BCO2: variants seen among roughly 807,000 people sequenced by gnomAD.
BCO2 encodes the protein beta-carotene oxygenase 2.
BCO2 carries 56 observed loss-of-function variants against 65.8 expected under a neutral mutation model. That is an observed-to-expected ratio of 0.85 (90% CI 0.69 to 1.06). The LOEUF (loss-of-function observed/expected upper bound fraction) is 1.06. Among genes scored for constraint, BCO2 ranks in the 50% least tolerant of loss-of-function variants. The pLI is 0.00. For synonymous variants in BCO2, 233 were observed against 242.3 expected (o/e 0.96, Z 0.36); for missense variants, 675 against 698.5 (o/e 0.97, Z 0.38).
chr11:112,202,060 C>T lies in BCO2; in HGVS notation c.1064C>T (p.Thr355Ile). Residue 355 changes from threonine (T) to isoleucine (I), a missense_variant, in exon 8 of 12, where the codon ACA becomes ATA. By Grantham distance (89) the Thr-to-Ile change is moderately conservative. Coordinates refer to ENST00000357685, the MANE Select transcript of BCO2 (RefSeq NM_031938.7). Reference sequence around the variant, plus strand: ...AGATACTACAGCAAACCTTTTGTTACATTTCATCAAATCAATGCCTTTGAG... The same window carrying T: ...AGATACTACAGCAAACCTTTTGTTATATTTCATCAAATCAATGCCTTTGAG... ...PGRYYSKPFV[T>I]FHQINAFEDQ... The T allele has an allele frequency of 6.2e-7, 1 of 1,611,002 alleles. No homozygotes were observed.
In BCO2 at chr11:112,214,705, A is replaced by G. The variant is rs1223238383; in HGVS notation, c.1333-57A>G. 15 of 1,482,306 alleles carry G rather than the reference A, an allele frequency of 1.0e-5. No homozygotes were observed. The Admixed American group carries it at 2.3e-4, about 23-fold the overall frequency. The allele number at this position is 1,482,306 out of a possible 1,614,324, so 91.8% of individuals were successfully genotyped here. ...GGTATGAGGCTCCTCACTGACCTAC[A>G]TAAGAGGAAAATAAGAATTAAGCAA... On this transcript the variant is annotated intron_variant, in intron 9 of 11. Transcript: ENST00000357685.
At chr11:112,198,989 G>A (rs554205777) in intron 5 of BCO2, among the ~76,000 whole-genome samples, 77 of 151,522 alleles carry the variant, frequency 5.1e-4, no homozygotes, top group Non-Finnish European at 1.0e-3. Flanking sequence ...TTAAAGTTCT[G>A]GGGTACATGT....
chr11:112,180,088 A>G (rs1004609020), intron 2 of BCO2, among the ~76,000 whole-genome samples: 1 of 152,224 alleles, frequency 6.6e-6, no homozygotes, highest in Non-Finnish European at 1.5e-5. Context: ...AGTCCCTTAT[A>G]TAAAATGCTT....
intron 5 of BCO2, 76 bp downstream of exon 5, chr11:112,194,831 G>C: frequency 9.3e-7 from 1 of 1,071,674 alleles, no homozygotes; most frequent in Non-Finnish European, 1.4e-6. Context: ...AATACTACAG[G>C]TTTGTTTTTT....
intron 5 of BCO2, among the ~76,000 whole-genome samples, chr11:112,199,025 G>T (rs899530806): frequency 6.6e-6 from 1 of 151,954 alleles, no homozygotes; most frequent in Non-Finnish European, 1.5e-5. Flanking sequence ...TTGTTACATA[G>T]GTATACACAT....
At position 112,200,621 on chromosome 11, in the gene BCO2, A is replaced by G. The variant is rs369982780; in HGVS notation, c.874A>G (p.Arg292Gly). ...PSYYHSFGMTRNYIIFIEQPL... is the reference protein window; with the variant it reads ...PSYYHSFGMTGNYIIFIEQPL... ...TTGCTGGAACCTTTTAGGAATGACA[A>G]GGAACTATATAATTTTCATTGAACA... is the stretch of plus-strand genomic sequence containing the variant. The change falls in exon 7 of 12, where the codon AGG becomes GGG. Residue 292 changes from arginine (R) to glycine (G), a missense_variant. Physicochemically the swap from Arg to Gly is moderately radical, Grantham distance 125. Transcript: ENST00000357685. 2 of 1,603,890 alleles carry G rather than the reference A, an allele frequency of 1.2e-6. No homozygotes were observed. The highest frequency in any genetic ancestry group is 1.7e-6 in the Non-Finnish European group (2 of 1,177,392).
intron 10 of BCO2, chr11:112,215,886 C>T (rs1421071737): frequency 4.3e-6 from 1 of 232,238 alleles, no homozygotes; most frequent in Non-Finnish European, 8.6e-6. Context: ...GAGGGAGCCT[C>T]ATGCCACATG....
intron 6 of BCO2, among the ~76,000 whole-genome samples, chr11:112,200,164 AT>A (rs939728295): frequency 6.6e-6 from 1 of 152,162 alleles, no homozygotes; most frequent in African/African-American, 2.4e-5. Flanking sequence ...GGAAATTCAT[AT>A]TCTATATAGG....
At chr11:112,205,316 G>A (rs1488727681) in intron 8 of BCO2, among the ~76,000 whole-genome samples, 4 of 152,072 alleles carry the variant, frequency 2.6e-5, no homozygotes, top group African/African-American at 4.8e-5. Flanking sequence ...GCCAACATTT[G>A]TTATCTCTTG....
At chr11:112,216,033 C>T (rs1283648737) in intron 10 of BCO2, 187 bp from the exon 11 acceptor site, 6 of 585,842 alleles carry the variant, frequency 1.0e-5, no homozygotes, top group South Asian at 1.0e-4. Flanking sequence ...GGGACTGGCC[C>T]CCATCACCCA....
At chr11:112,197,318 G>A (rs1010063334) in intron 5 of BCO2, among the ~76,000 whole-genome samples, 2 of 152,140 alleles carry the variant, frequency 1.3e-5, no homozygotes, top group African/African-American at 4.8e-5. Flanking sequence ...GGAGGCCAAG[G>A]CGGGTGTATT....
intron 2 of BCO2, chr11:112,180,651 A>G: frequency 1.5e-6 from 1 of 685,320 alleles, no homozygotes; most frequent in Admixed American, 2.0e-5. Context: ...CAAGGGCAGA[A>G]AGGTGGCGAA....
rs116197518 is a variant in BCO2 at position 112,214,541 on chromosome 11, C to A, written c.1333-221C>A. Among the ~76,000 whole-genome samples the A allele has an allele frequency of 5.9e-3, 905 of 152,326 alleles. 16 individuals are homozygous for A. Among genetic ancestry groups the A allele is most frequent in the African/African-American group, 0.021 (861 of 41,560 alleles). ...AGCTTTAGAAGAATAAAACGCATAT[C>A]TCCACCTCCTATGTCATTTGACAGC... On this transcript the variant is annotated intron_variant, in intron 9 of 11. Transcript: ENST00000357685.
intron 2 of BCO2, among the ~76,000 whole-genome samples, chr11:112,186,114 A>T (rs1484169087): frequency 6.6e-6 from 1 of 152,236 alleles, no homozygotes; most frequent in Non-Finnish European, 1.5e-5. Flanking sequence ...GTAGAAGAGA[A>T]GGAGGGCAAA....
intron 2 of BCO2, among the ~76,000 whole-genome samples, chr11:112,182,550 AG>A (rs1867082600): frequency 6.6e-6 from 1 of 152,222 alleles, no homozygotes. Context: ...TGTCCTTTGC[AG>A]GGACATGGAT....
chr11:112,197,737 T>G (rs1449414282), intron 5 of BCO2, among the ~76,000 whole-genome samples: 1 of 152,174 alleles, frequency 6.6e-6, no homozygotes, highest in Non-Finnish European at 1.5e-5. Context: ...TTTTCAGCTC[T>G]GTAACACCAG....
intron 5 of BCO2, among the ~76,000 whole-genome samples, chr11:112,197,021 C>T (rs948970027): frequency 8.3e-5 from 12 of 144,732 alleles, no homozygotes; most frequent in Admixed American, 2.8e-4. Context: ...TTGCTTTCTT[C>T]GATTAGAGAT....
chr11:112,191,239 A>G (rs1269015054), intron 2 of BCO2, among the ~76,000 whole-genome samples: 2 of 151,972 alleles, frequency 1.3e-5, no homozygotes, highest in Non-Finnish European at 2.9e-5. Flanking sequence ...TATTACTATA[A>G]TGTATTAATC....
chr11:112,194,738 A>T lies in BCO2; in HGVS notation c.719A>T (p.Asn240Ile), dbSNP rs1412093114. Residue 240 changes from asparagine (N) to isoleucine (I), a missense_variant, in exon 5 of 12, where the codon AAC (asparagine) becomes ATC (isoleucine). Transcript: ENST00000357685. ...DLDGTAYNMG[N>I]SFGPYGFSYK... ...GATGGAACAGCATACAATATGGGGA[A>T]CTCCTTTGGGCCATATGGTAAAGTT... The T allele has an allele frequency of 6.2e-7, 1 of 1,606,412 alleles. No homozygotes were observed. The highest frequency in any genetic ancestry group is 1.1e-5 in the South Asian group (1 of 90,696).
Sources: allele counts gnomAD v4.1 joint callset (sites outside exome capture counted in the v4.1 genomes callset), GRCh38; gene constraint gnomAD v4.1.1; transcripts MANE v1.5; gene names NCBI Gene and HGNC (gene_info 2026-07-23, HGNC 2026-07-21).